The following KCNMA1 variants were observed in gnomAD, a reference collection of about 807,000 sequenced individuals.
The protein encoded by KCNMA1 is Calcium-activated potassium channel subunit alpha-1.
A neutral mutation model predicts 140.0 loss-of-function variants in KCNMA1; 29 were observed. The observed-to-expected ratio is 0.21, with a 90% CI of 0.15 to 0.28. The LOEUF is 0.28. KCNMA1 is among the 10% of genes least tolerant of loss of function. KCNMA1 has a pLI of 1.00. For missense variants in KCNMA1, 880 were observed against 1,602.2 expected (o/e 0.55, Z 7.70); for synonymous variants, 612 against 611.9 (o/e 1.00, Z 0.00).
chr10:77,223,168 G>A (rs1336829436), intron 3 of KCNMA1, among the ~76,000 whole-genome samples: 3 of 152,024 alleles, frequency 2.0e-5, no homozygotes, highest in Non-Finnish European at 2.9e-5. Flanking sequence ...GGCAGGGGTT[G>A]CAGTGCGCTG....
At chr10:77,377,465 C>G (rs1451428079) in intron 2 of KCNMA1, among the ~76,000 whole-genome samples, 4 of 152,136 alleles carry the variant, frequency 2.6e-5, no homozygotes, top group Non-Finnish European at 5.9e-5. Context: ...GCCAGGCAGG[C>G]AGGCGTCGAC....
chr10:77,322,933 A>G (rs2082784572), intron 2 of KCNMA1, among the ~76,000 whole-genome samples: 1 of 152,192 alleles, frequency 6.6e-6, no homozygotes, highest in South Asian at 2.1e-4. Context: ...GGATTTCACA[A>G]TTTATGAGCA....
intron 21 of KCNMA1, 154 bp from the exon 22 acceptor site, chr10:76,949,520 C>T (rs572387732): frequency 7.3e-6 from 5 of 689,116 alleles, no homozygotes; most frequent in South Asian, 4.8e-5. Context: ...TATATACATG[C>T]CATATAGAGC....
At chr10:77,103,455 T>C (rs1596002515) in intron 9 of KCNMA1, among the ~76,000 whole-genome samples, 3 of 152,328 alleles carry the variant, frequency 2.0e-5, no homozygotes, top group East Asian at 3.9e-4. Context: ...TGCTCTGTGC[T>C]GTGCGGCAGA....
At chr10:77,458,007 C>T (rs538641408) in intron 1 of KCNMA1, among the ~76,000 whole-genome samples, 10 of 152,334 alleles carry the variant, frequency 6.6e-5, no homozygotes. Flanking sequence ...TCAGATCAAA[C>T]GGCAGCCCGA....
chr10:77,623,264 C>T (rs1264970317), intron 1 of KCNMA1, among the ~76,000 whole-genome samples: 1 of 152,170 alleles, frequency 6.6e-6, no homozygotes, highest in Non-Finnish European at 1.5e-5. Flanking sequence ...ACAGCACTTG[C>T]ATTGCCTGTC....
chr10:77,607,630 G>A (rs1267406466), intron 1 of KCNMA1, among the ~76,000 whole-genome samples: 1 of 152,104 alleles, frequency 6.6e-6, no homozygotes, highest in Non-Finnish European at 1.5e-5. Context: ...AATGTGCTTT[G>A]GATACGGAGC....
intron 2 of KCNMA1, chr10:77,350,785 C>G (rs2092781383): frequency 6.6e-6 from 1 of 152,220 alleles, no homozygotes; most frequent in African/African-American, 2.4e-5. Flanking sequence ...CAGGGGTGCA[C>G]CAATTCACTG....
chr10:77,091,255 A>T (rs2096808110), intron 9 of KCNMA1: 1 of 152,566 alleles, frequency 6.6e-6, no homozygotes, highest in African/African-American at 2.4e-5. Context: ...AATTTACCTC[A>T]AGATGGGGAG....
intron 3 of KCNMA1, among the ~76,000 whole-genome samples, chr10:77,206,816 A>AGGGGGGGGGGGGGGGGG (rs202180223): frequency 2.7e-4 from 13 of 47,638 alleles, no homozygotes; most frequent in Non-Finnish European, 3.8e-4. Flanking sequence ...GCAGGGAGGG[A>AGGGGGGGGGGGGGGGGG]GGGGGGGGCG....
intron 1 of KCNMA1, among the ~76,000 whole-genome samples, chr10:77,494,328 AT>A (rs2041065764): frequency 2.0e-5 from 3 of 152,234 alleles, no homozygotes; most frequent in Admixed American, 1.3e-4. Flanking sequence ...TACTTAGGAC[AT>A]TCCTAAGAAG....
At chr10:77,282,966 C>G (rs1265953140) in intron 2 of KCNMA1, among the ~76,000 whole-genome samples, 1 of 152,262 alleles carries the variant, frequency 6.6e-6, no homozygotes, top group African/African-American at 2.4e-5. Flanking sequence ...GTTCCTGCCT[C>G]TGGCAGAGTA....
At chr10:77,012,423 A>G in intron 17 of KCNMA1, 1 of 1,547,774 alleles carries the variant, frequency 6.5e-7, no homozygotes. Flanking sequence ...TACAACACCA[A>G]AATTCCCACA....
rs1029406843 is a variant in KCNMA1 at position 77,351,103 on chromosome 10, T to C, written c.540+52759A>G. On this transcript the variant is annotated intron_variant, in intron 2 of 27. Coordinates refer to ENST00000286628, the MANE Select transcript of KCNMA1 (RefSeq NM_001161352.2). ...TTTCAGGGGACTTTATCCAAAAGAC[T>C]GCAACAATGTAAAGAGATACGATTG... Among the ~76,000 whole-genome samples, 5 of 152,374 alleles carry C rather than the reference T, an allele frequency of 3.3e-5. No homozygotes were observed. In the East Asian group the frequency reaches 9.6e-4, roughly 29 times the overall value.
chr10:77,079,080 G>C (rs2096486763), intron 13 of KCNMA1, among the ~76,000 whole-genome samples: 1 of 152,090 alleles, frequency 6.6e-6, no homozygotes, highest in Admixed American at 6.5e-5. Flanking sequence ...AGACCATCCT[G>C]ACCAACATGC....
chr10:77,024,390 G>A lies in KCNMA1; in HGVS notation c.1928+3433C>T, dbSNP rs545621291. ...GAAAAAGATACAGACAAATACACAC[G>A]CACAGACACACACACACACACAATT... On this transcript the variant is annotated intron_variant, in intron 16 of 27. Coordinates refer to ENST00000286628, the MANE Select transcript of KCNMA1 (RefSeq NM_001161352.2). 2.6e-4 allele frequency among the ~76,000 whole-genome samples: 40 copies of A among 151,516 alleles called. No individual in the cohort carries two copies. In the South Asian group the frequency reaches 7.7e-3, roughly 29 times the overall value.
intron 5 of KCNMA1, among the ~76,000 whole-genome samples, chr10:77,145,311 C>T (rs916053820): frequency 5.9e-5 from 9 of 152,170 alleles, no homozygotes; most frequent in African/African-American, 9.7e-5. Flanking sequence ...TAAATCTGTT[C>T]ATCACAAGAA....
chr10:76,882,460 T>G (rs1047378677), downstream of KCNMA1, among the ~76,000 whole-genome samples: 39 of 152,158 alleles, frequency 2.6e-4, no homozygotes, highest in African/African-American at 9.4e-4. Context: ...GCACACTTCC[T>G]CTGCCCAGCA....
Position 77,213,856 on chromosome 10 carries a change from C to G in KCNMA1, c.603-28940G>C, listed in dbSNP as rs2046890884. 2.0e-5 allele frequency among the ~76,000 whole-genome samples: 3 copies of G among 152,276 alleles called. No individual in the cohort carries two copies. In the South Asian group the frequency reaches 6.2e-4, roughly 32 times the overall value. The stretch of plus-strand genomic sequence containing the variant: ...CATTCATCAACAGCAACCTCTCATC[C>G]TTGTGCTCGCCTGTTCACGTGCTCC... On this transcript the variant is annotated intron_variant, in intron 3 of 27. Transcript: ENST00000286628.
Sources: gnomAD v4.1 joint callset for allele counts (sites outside exome capture counted in the v4.1 genomes callset) on GRCh38, gnomAD v4.1.1 for gene constraint, MANE v1.5 for transcripts, NCBI Gene and HGNC (gene_info 2026-07-23, HGNC 2026-07-21) for gene names.